The following STXBP5L variants were observed in gnomAD, a reference collection of about 807,000 sequenced individuals.
The protein encoded by STXBP5L is syntaxin-binding protein 5-like.
In STXBP5L, 65 loss-of-function variants were observed where a neutral mutation model predicts 144.5. That is an observed-to-expected ratio of 0.45 (90% confidence interval 0.37 to 0.55). The LOEUF (loss-of-function observed/expected upper bound fraction) is 0.55, where lower values mean the gene tolerates loss of function less well. Among genes scored for constraint, STXBP5L ranks in the 20% least tolerant of loss-of-function variants. The probability of loss-of-function intolerance (pLI) is 0.00; values close to 1 mark genes in which losing one functional copy is unlikely to be tolerated. For missense variants in STXBP5L, 1,298 were observed against 1,405.5 expected, an observed-to-expected ratio of 0.92 and a Z score of 1.22; for synonymous variants, 505 against 469.6, an observed-to-expected ratio of 1.08 and a Z score of -0.97.
chr3:121,303,119 T>C (rs1484760930), intron 19 of STXBP5L, among the ~76,000 whole-genome samples: 1 of 152,088 alleles, frequency 6.6e-6, no homozygotes, highest in Non-Finnish European at 1.5e-5. Flanking sequence ...AGAAAATTTT[T>C]GCAATCTACT....
chr3:121,251,379 C>T (rs2050021600), intron 15 of STXBP5L, among the ~76,000 whole-genome samples: 1 of 152,096 alleles, frequency 6.6e-6, no homozygotes. Context: ...TAAGAACTCT[C>T]AATGCAGTAC....
At chr3:121,402,124 A>G (rs1421527726) in intron 22 of STXBP5L, among the ~76,000 whole-genome samples, 1 of 152,214 alleles carries the variant, frequency 6.6e-6, no homozygotes, top group Admixed American at 6.5e-5. Context: ...AAGATAAAAT[A>G]GAAGTTTAAA....
intron 9 of STXBP5L, among the ~76,000 whole-genome samples, chr3:121,194,127 A>G (rs1432640303): frequency 1.3e-5 from 2 of 152,096 alleles, no homozygotes; most frequent in Non-Finnish European, 2.9e-5. Context: ...CACCAAATCA[A>G]TGTTACGATA....
chr3:120,952,280 G>A (rs527405442), intron 2 of STXBP5L, among the ~76,000 whole-genome samples: 11 of 152,166 alleles, frequency 7.2e-5, no homozygotes, highest in African/African-American at 2.4e-4. Flanking sequence ...AATTCGGAGA[G>A]TATTGCCACA....
intron 20 of STXBP5L, among the ~76,000 whole-genome samples, chr3:121,319,333 A>G (rs1393239045): frequency 1.3e-5 from 2 of 152,170 alleles, no homozygotes; most frequent in Admixed American, 6.5e-5. Flanking sequence ...ATACAAATTT[A>G]TAAAAGTTTA....
intron 9 of STXBP5L, among the ~76,000 whole-genome samples, chr3:121,184,093 C>G (rs1260751240): frequency 6.6e-6 from 1 of 151,842 alleles, no homozygotes; most frequent in Non-Finnish European, 1.5e-5. Flanking sequence ...TAGATAAATC[C>G]ATGAAGATGA....
intron 5 of STXBP5L, among the ~76,000 whole-genome samples, chr3:121,097,993 A>G (rs1209749414): frequency 2.0e-5 from 3 of 152,190 alleles, no homozygotes; most frequent in Non-Finnish European, 4.4e-5. Flanking sequence ...ATTGTTAAAC[A>G]GTTTTTCAAT....
chr3:120,960,293 ACT>A (rs1471033203), intron 3 of STXBP5L, among the ~76,000 whole-genome samples: 18,172 of 151,862 alleles, frequency 0.12, 1,105 homozygotes, highest in Non-Finnish European at 0.14. Context: ...AAATAGGAAC[ACT>A]TTTACACTGT....
At position 121,313,115 on chromosome 3, in the gene STXBP5L, C is replaced by T. The variant is rs79947903; in HGVS notation, c.2111-5360C>T. On this transcript the variant is annotated intron_variant, in intron 19 of 26. Coordinates refer to ENST00000471454, the MANE Select transcript of STXBP5L (RefSeq NM_001308330.2). ...CTGACCCCCCCACCACCCTCCCAGA[C>T]GGGGCGGCTGGCCAGGCAGAGGGGT... 3.9e-3 allele frequency among the ~76,000 whole-genome samples: 548 copies of T among 141,472 alleles called. 4 individuals are homozygous for T. The highest frequency in any genetic ancestry group is 6.6e-3 in the Admixed American group (95 of 14,478). 92.8% of individuals were successfully genotyped at this position (141,472 alleles called of 152,430 possible).
intron 19 of STXBP5L, among the ~76,000 whole-genome samples, chr3:121,293,238 T>C (rs1012389363): frequency 2.0e-5 from 3 of 152,186 alleles, no homozygotes; most frequent in Admixed American, 6.5e-5. Context: ...TACTGTATGA[T>C]TCCATTTCTA....
intron 18 of STXBP5L, among the ~76,000 whole-genome samples, chr3:121,265,599 G>A (rs1052490146): frequency 2.6e-5 from 4 of 152,122 alleles, no homozygotes; most frequent in Non-Finnish European, 4.4e-5. Flanking sequence ...AAAGCTAGCA[G>A]AAGAAAAGAA....
At chr3:121,205,065 A>G (rs1012920136) in intron 9 of STXBP5L, among the ~76,000 whole-genome samples, 3 of 152,198 alleles carry the variant, frequency 2.0e-5, no homozygotes, top group Admixed American at 6.5e-5. Flanking sequence ...AGTTCATTGT[A>G]TGCTTTAAAT....
intron 5 of STXBP5L, among the ~76,000 whole-genome samples, chr3:121,076,401 TCTG>T (rs2042020011): frequency 6.6e-6 from 1 of 152,208 alleles, no homozygotes; most frequent in Non-Finnish European, 1.5e-5. Context: ...ATGGTTTTTT[TCTG>T]CTTTTTCTAT....
intron 18 of STXBP5L, among the ~76,000 whole-genome samples, chr3:121,275,932 G>C (rs1354932851): frequency 2.0e-5 from 3 of 151,902 alleles, no homozygotes; most frequent in Non-Finnish European, 4.4e-5. Context: ...CATATAGTTG[G>C]GTCTTACTTT....
chr3:121,118,167 G>A (rs2044310408), intron 6 of STXBP5L, among the ~76,000 whole-genome samples: 1 of 151,526 alleles, frequency 6.6e-6, no homozygotes, highest in Non-Finnish European at 1.5e-5. Flanking sequence ...CTGTCCTCCT[G>A]GGACTTCCAG....
intron 8 of STXBP5L, among the ~76,000 whole-genome samples, chr3:121,154,441 G>C (rs1252934132): frequency 1.3e-5 from 2 of 151,600 alleles, no homozygotes; most frequent in East Asian, 3.9e-4. Context: ...CACTAAACCT[G>C]TGGCTTTACC....
intron 20 of STXBP5L, among the ~76,000 whole-genome samples, chr3:121,337,919 A>G (rs985795558): frequency 6.6e-6 from 1 of 152,156 alleles, no homozygotes; most frequent in African/African-American, 2.4e-5. Flanking sequence ...TCAAAACTAT[A>G]CAAATGCTTA....
intron 5 of STXBP5L, among the ~76,000 whole-genome samples, chr3:121,090,621 G>T (rs544689619): frequency 6.6e-6 from 1 of 152,020 alleles, no homozygotes; most frequent in African/African-American, 2.4e-5. Context: ...TCTAAAGGAG[G>T]TATATACAGA....
intron 5 of STXBP5L, among the ~76,000 whole-genome samples, chr3:121,078,678 G>A (rs2042128052): frequency 6.6e-6 from 1 of 152,248 alleles, no homozygotes. Flanking sequence ...CTGCCCCGCT[G>A]CAGGTTCTGA....
Sources: allele counts gnomAD v4.1 joint callset (sites outside exome capture counted in the v4.1 genomes callset), GRCh38; gene constraint gnomAD v4.1.1; transcripts MANE v1.5; gene names NCBI Gene and HGNC (gene_info 2026-07-23, HGNC 2026-07-21).